Variants in CEP68 observed in about 807,000 individuals in gnomAD.
CEP68 encodes the protein centrosomal protein 68.
CEP68 carries 26 observed loss-of-function variants against 55.3 expected under a neutral mutation model. The observed-to-expected ratio is 0.47, with a 90% CI of 0.34 to 0.65. The LOEUF is 0.65. Ranked by LOEUF, CEP68 falls within the 30% of genes least tolerant of loss-of-function variation. CEP68 has a pLI of 0.01. For missense variants in CEP68, 957 were observed against 946.7 expected (o/e 1.01, Z -0.14); for synonymous variants, 402 against 383.2 (o/e 1.05, Z -0.57).
At chr2:65,058,585 C>T (rs1675766938) in intron 1 of CEP68, among the ~76,000 whole-genome samples, 1 of 138,026 alleles carries the variant, frequency 7.2e-6, no homozygotes, top group Non-Finnish European at 1.5e-5. Context: ...CAGCTCACTG[C>T]AACCTCTTCC....
chr2:65,070,839 C>G (rs1676426321), intron 2 of CEP68: 1 of 153,304 alleles, frequency 6.5e-6, no homozygotes, highest in Non-Finnish European at 1.4e-5. Flanking sequence ...AAGTGAGGCT[C>G]GAAGTCATAC....
At chr2:65,073,080 CT>C in intron 3 of CEP68, 100 bp downstream of exon 3, 1 of 1,293,460 alleles carries the variant, frequency 7.7e-7, no homozygotes, top group Non-Finnish European at 1.1e-6. Context: ...TGACCAGGCA[CT>C]TTTTATGTGC....
At chr2:65,066,017 G>A (rs1039106712) in intron 1 of CEP68, among the ~76,000 whole-genome samples, 3 of 151,460 alleles carry the variant, frequency 2.0e-5, no homozygotes, top group Non-Finnish European at 2.9e-5. Context: ...GTTCAAGTTC[G>A]CAGGTAGCTG....
At chr2:65,074,490 A>G (rs779083493) in intron 4 of CEP68, 86 bp downstream of exon 4, 18 of 1,570,616 alleles carry the variant, frequency 1.1e-5, no homozygotes, top group Admixed American at 8.4e-5. Context: ...CAAATAACCA[A>G]TGTCTGGTAT....
Position 65,071,637 on chromosome 2 carries a change from T to G in CEP68, c.541T>G (p.Trp181Gly), listed in dbSNP as rs1300255210. ...CTCAGGTCTCTCTTGCCTGTCACAG[T>G]GGAAGTCCGTGCTGAGCCCAGGTTC... The part of the protein sequence containing the change: ...HSSGLSCLSQ[W>G]KSVLSPGSAA... The change falls in exon 3 of 7, where the codon TGG becomes GGG. Residue 181 changes from tryptophan to glycine, a missense_variant. Trp to Gly is a radical substitution (Grantham distance 184). Coordinates refer to ENST00000377990, the MANE Select transcript of CEP68 (RefSeq NM_015147.3). 6.2e-7 allele frequency: 1 copy of G among 1,614,030 alleles called. No individual in the cohort carries two copies. The highest frequency in any genetic ancestry group is 1.7e-5 in the Admixed American group (1 of 60,004).
At chr2:65,058,707 A>G (rs1268996650) in intron 1 of CEP68, among the ~76,000 whole-genome samples, 1 of 151,798 alleles carries the variant, frequency 6.6e-6, no homozygotes, top group Admixed American at 6.6e-5. Flanking sequence ...GGGTTTCGCC[A>G]TGTTGTCCAG....
chr2:65,073,210 T>C (rs534187300), intron 3 of CEP68: 72 of 588,746 alleles, frequency 1.2e-4, no homozygotes, highest in South Asian at 3.6e-4. Context: ...TGCCCACTTA[T>C]AATTAGCAAG....
chr2:65,074,483 A>G (rs1180132678), intron 4 of CEP68, 79 bp downstream of exon 4: 1 of 1,594,536 alleles, frequency 6.3e-7, no homozygotes, highest in Non-Finnish European at 8.6e-7. Context: ...AAAATCTCAA[A>G]TAACCAATGT....
chr2:65,078,069 T>C (rs1676844507), intron 5 of CEP68, 105 bp downstream of exon 5: 1 of 771,196 alleles, frequency 1.3e-6, no homozygotes, highest in East Asian at 2.7e-5. Context: ...CAAGAGCCCC[T>C]GCCCACACCC....
At chr2:65,081,148 T>C (rs1273503427) in intron 5 of CEP68, among the ~76,000 whole-genome samples, 5 of 148,912 alleles carry the variant, frequency 3.4e-5, no homozygotes, top group Non-Finnish European at 4.4e-5. Flanking sequence ...GAGGCGGAGG[T>C]TTTAGTGAGC....
In CEP68 at chr2:65,072,971, A is replaced by G. The variant is rs771928537; in HGVS notation, c.1875A>G (p.Gln625=). The G allele has an allele frequency of 2.5e-6, 4 of 1,614,128 alleles. No homozygotes were observed. The highest frequency in any genetic ancestry group is 2.7e-5 in the African/African-American group (2 of 74,936). ...AACAGGGAAAAGAATCACTGGTGCA[A>G]TGTGTGAAGGTAATGACACTCAACG... The part of the protein sequence containing the change: ...GGEQGKESLV[Q]CVKTFCCQLE... Residue 625 remains glutamine (Q), a synonymous_variant, in exon 3 of 7, where the codon CAA becomes CAG. Transcript: ENST00000377990.
rs750951276 is a variant in CEP68, at chr2:65,069,437, G to A, written c.-8G>A. 2.0e-6 allele frequency: 3 copies of A among 1,502,824 alleles called. No individual in the cohort carries two copies. The highest frequency in any genetic ancestry group is 1.8e-6 in the Non-Finnish European group (2 of 1,124,028). 93.1% of individuals were successfully genotyped at this position (1,502,824 alleles called of 1,614,324 possible). A position where few individuals can be genotyped will look rare whatever the true frequency, so the allele number is the denominator to read the frequency against. ...TCAGCAGAACCCTGACCTAGGTAGG[G>A]AGTCTCAATGGCCCTGGGTGAAGAA... is the stretch of plus-strand genomic sequence containing the variant. On this transcript the variant is annotated 5_prime_UTR_variant, in exon 2 of 7. Coordinates refer to ENST00000377990, the MANE Select transcript of CEP68 (RefSeq NM_015147.3).
intron 1 of CEP68, among the ~76,000 whole-genome samples, chr2:65,060,539 G>A (rs759505962): frequency 4.6e-5 from 7 of 152,062 alleles, no homozygotes; most frequent in Non-Finnish European, 7.4e-5. Flanking sequence ...AGACCAGTCC[G>A]GGCAACATAG....
Position 65,084,680 on chromosome 2 carries a change from T to C in CEP68, c.*1046T>C, listed in dbSNP as rs1320468597. The C allele has an allele frequency of 6.6e-6, 1 of 152,218 alleles. No homozygotes were observed. The highest frequency in any genetic ancestry group is 1.5e-5 in the Non-Finnish European group (1 of 68,042). The allele number at this position is 152,218 out of a possible 1,614,324, so 9.4% of individuals were successfully genotyped here. On this transcript the variant is annotated 3_prime_UTR_variant, in exon 7 of 7. Transcript: ENST00000377990. ...TGAACCTGGAAGGAGGAAAGCACAGTAACAATGGAAACTAAAGTCCTATTA... is the reference window on the plus strand; with the variant it reads ...TGAACCTGGAAGGAGGAAAGCACAGCAACAATGGAAACTAAAGTCCTATTA...
At chr2:65,065,955 T>TAAA (rs59986437) in intron 1 of CEP68, among the ~76,000 whole-genome samples, 2,335 of 129,412 alleles carry the variant, frequency 0.018, 28 homozygotes, top group Non-Finnish European at 0.029. Context: ...GACTTCATCT[T>TAAA]AAAAAAAAAA....
At chr2:65,067,252 C>T (rs1286873937) in intron 1 of CEP68, among the ~76,000 whole-genome samples, 3 of 151,302 alleles carry the variant, frequency 2.0e-5, no homozygotes, top group Admixed American at 6.6e-5. Flanking sequence ...TGGTGGCGCA[C>T]GCCTGTAGTC....
rs1434909496 is a variant in CEP68 at position 65,071,873 on chromosome 2, T to C, written c.777T>C (p.Ala259=). The C allele has an allele frequency of 6.2e-7, 1 of 1,610,056 alleles. No individual in the cohort carries two copies. The highest frequency in any genetic ancestry group is 8.5e-7 in the Non-Finnish European group (1 of 1,178,038). ...AGCCTGTGTTCTCTGGGGGTGATGCTTCTGGGCTAGGCAGGAGACGCCTCT... is the reference window on the plus strand; with the variant it reads ...AGCCTGTGTTCTCTGGGGGTGATGCCTCTGGGCTAGGCAGGAGACGCCTCT... The part of the protein sequence containing the change: ...SPQPVFSGGD[A]SGLGRRRLSF... The change falls in exon 3 of 7, where the codon GCT becomes GCC. Residue 259 remains alanine (A), a synonymous_variant. Transcript: ENST00000377990.
chr2:65,062,153 G>A (rs904728646), intron 1 of CEP68, among the ~76,000 whole-genome samples: 4 of 152,208 alleles, frequency 2.6e-5, no homozygotes, highest in Non-Finnish European at 4.4e-5. Flanking sequence ...GTGACTGTGC[G>A]CTCAGGTAAG....
At position 65,072,518 on chromosome 2, in the gene CEP68, G is replaced by A; in HGVS notation, c.1422G>A (p.Glu474=). The part of the protein sequence containing the change: ...TCTESRWKSE[E]EVESDDEYLA... ...CAGAGTCTAGGTGGAAATCAGAAGA[G>A]GAAGTGGAAAGTGATGACGAGTATC... Residue 474 remains glutamate, a synonymous_variant, in exon 3 of 7, where the codon GAG becomes GAA. Coordinates refer to ENST00000377990, the MANE Select transcript of CEP68 (RefSeq NM_015147.3). The A allele has an allele frequency of 1.9e-6, 3 of 1,614,172 alleles. No homozygotes were observed. The highest frequency in any genetic ancestry group is 2.2e-5 in the East Asian group (1 of 44,882).
Sources: gnomAD v4.1 joint callset for allele counts (sites outside exome capture counted in the v4.1 genomes callset) on GRCh38, gnomAD v4.1.1 for gene constraint, MANE v1.5 for transcripts, NCBI Gene and HGNC (gene_info 2026-07-23, HGNC 2026-07-21) for gene names.